The following SMG6 variants were observed in gnomAD, a reference collection of about 807,000 sequenced individuals.
SMG6 encodes the protein SMG6 nonsense mediated mRNA decay factor, also known as telomerase-binding protein EST1A.
In SMG6, 66 loss-of-function variants were observed where a neutral mutation model predicts 142.2. That is an observed-to-expected ratio of 0.46 (90% CI 0.38 to 0.57). The LOEUF (loss-of-function observed/expected upper bound fraction) is 0.57, where lower values mean the gene tolerates loss of function less well. Among genes scored for constraint, SMG6 ranks in the 20% least tolerant of loss-of-function variants. SMG6 has a pLI of 0.00. For missense variants in SMG6, 1,793 were observed against 1,832.0 expected (o/e 0.98, Z 0.39); for synonymous variants, 779 against 702.4 (o/e 1.11, Z -1.72).
intron 10 of SMG6, among the ~76,000 whole-genome samples, chr17:2,221,907 T>C (rs960090522): frequency 2.0e-5 from 3 of 152,216 alleles, no homozygotes; most frequent in African/African-American, 7.2e-5. Flanking sequence ...CTAATTTTTG[T>C]ATTTTTTAGT....
intron 13 of SMG6, among the ~76,000 whole-genome samples, chr17:2,143,201 A>G (rs771280924): frequency 2.0e-5 from 3 of 152,246 alleles, no homozygotes; most frequent in Non-Finnish European, 2.9e-5. Flanking sequence ...AGTTTACCAT[A>G]TGACCAAACA....
chr17:2,179,157 ACCC>A (rs2071733397), intron 12 of SMG6, among the ~76,000 whole-genome samples: 2 of 152,006 alleles, frequency 1.3e-5, no homozygotes, highest in African/African-American at 4.8e-5. Flanking sequence ...TAACGCCCCA[ACCC>A]GGAGCCAGGG....
intron 13 of SMG6, among the ~76,000 whole-genome samples, chr17:2,123,815 G>C (rs1280435666): frequency 6.6e-6 from 1 of 152,154 alleles, no homozygotes; most frequent in East Asian, 1.9e-4. Context: ...GTTTTTGTTG[G>C]GGGAAGGTGA....
Position 2,139,868 on chromosome 17 carries a change from G to T in SMG6, c.3357+32790C>A, listed in dbSNP as rs553849588. Among the ~76,000 whole-genome samples, 11 of 152,172 alleles carry T rather than the reference G, an allele frequency of 7.2e-5. No homozygotes were observed. In the South Asian group the frequency reaches 2.1e-3, roughly 29 times the overall value. ...AGCCTCCCAAGTAGCTGGGATTACA[G>T]GCGCATGCCACCATACCCGGCTAAT... On this transcript the variant is annotated intron_variant, in intron 13 of 18. Transcript: ENST00000263073.
intron 13 of SMG6, among the ~76,000 whole-genome samples, chr17:2,115,041 A>G (rs1163811505): frequency 6.6e-6 from 1 of 151,926 alleles, no homozygotes; most frequent in East Asian, 1.9e-4. Flanking sequence ...GGATCCTACC[A>G]GGGTTGATGG....
intron 10 of SMG6, chr17:2,233,004 A>G (rs1463437064): frequency 6.6e-6 from 1 of 152,280 alleles, no homozygotes; most frequent in Non-Finnish European, 1.5e-5. Context: ...CGTTAGCAAC[A>G]ATATGATTTC....
At chr17:2,205,815 T>A (rs11078865) in intron 10 of SMG6, among the ~76,000 whole-genome samples, 54,648 of 151,420 alleles carry the variant, frequency 0.36, 10,032 homozygotes, top group Middle Eastern at 0.42. Context: ...GTATATATAT[T>A]TTTTTTCTTC....
chr17:2,287,430 C>T (rs550293836), intron 6 of SMG6, among the ~76,000 whole-genome samples: 1 of 152,232 alleles, frequency 6.6e-6, no homozygotes, highest in African/African-American at 2.4e-5. Context: ...AAATCAGAAG[C>T]CTTGCATGCT....
intron 12 of SMG6, among the ~76,000 whole-genome samples, chr17:2,178,261 T>G (rs912883656): frequency 1.3e-5 from 2 of 152,120 alleles, no homozygotes; most frequent in African/African-American, 4.8e-5. Flanking sequence ...CAACAATGTG[T>G]CATCCAGATG....
At chr17:2,168,237 A>G (rs1000829290) in intron 13 of SMG6, among the ~76,000 whole-genome samples, 1 of 151,960 alleles carries the variant, frequency 6.6e-6, no homozygotes, top group African/African-American at 2.4e-5. Flanking sequence ...TCTGTCACCC[A>G]GGCTGGAGTA....
chr17:2,295,746 C>T (rs989590865), intron 4 of SMG6, among the ~76,000 whole-genome samples: 1 of 152,146 alleles, frequency 6.6e-6, no homozygotes, highest in Non-Finnish European at 1.5e-5. Context: ...TCCTGACCTC[C>T]AGAGAGACCA....
chr17:2,073,873 G>A (rs1194085743), intron 15 of SMG6, among the ~76,000 whole-genome samples: 6 of 151,896 alleles, frequency 4.0e-5, no homozygotes, highest in Non-Finnish European at 8.8e-5. Flanking sequence ...GAGGTCAGGA[G>A]TTTGAGACCA....
intron 8 of SMG6, among the ~76,000 whole-genome samples, chr17:2,273,782 G>A (rs1299945318): frequency 6.6e-6 from 1 of 151,966 alleles, no homozygotes; most frequent in Non-Finnish European, 1.5e-5. Flanking sequence ...GGGCAACAGA[G>A]TGAGACTGTG....
intron 10 of SMG6, among the ~76,000 whole-genome samples, chr17:2,209,871 C>A (rs116247053): frequency 0.017 from 2,555 of 152,182 alleles, 93 homozygotes; most frequent in African/African-American, 0.059. Context: ...TTTACTGAAC[C>A]CTTACTATAT....
At position 2,105,685 on chromosome 17, in the gene SMG6, A is replaced by C. The variant is rs141119007; in HGVS notation, c.3358-19784T>G. Among the ~76,000 whole-genome samples, 97 of 152,360 alleles carry C rather than the reference A, an allele frequency of 6.4e-4. 2 individuals are homozygous for C. The East Asian group carries it at 0.017, about 27-fold the overall frequency. On this transcript the variant is annotated intron_variant, in intron 13 of 18. Coordinates refer to ENST00000263073, the MANE Select transcript of SMG6 (RefSeq NM_017575.5). ...ATGGGTGCTTGGCTAAGCTACAGGC[A>C]AGAAAAGAAATACTGAAATTTAAAA...
intron 8 of SMG6, among the ~76,000 whole-genome samples, chr17:2,263,736 G>T (rs1243462797): frequency 6.6e-6 from 1 of 152,098 alleles, no homozygotes; most frequent in Non-Finnish European, 1.5e-5. Context: ...TTCCAAGAGG[G>T]GAAGAACCTG....
chr17:2,086,018 G>A, intron 13 of SMG6, 117 bp from the exon 14 acceptor site: 1 of 1,045,358 alleles, frequency 9.6e-7, no homozygotes, highest in Non-Finnish European at 1.5e-6. Flanking sequence ...CCAGGCAAGG[G>A]GGTCAGAATG....
At chr17:2,206,523 G>A (rs1005177046) in intron 10 of SMG6, among the ~76,000 whole-genome samples, 3 of 152,064 alleles carry the variant, frequency 2.0e-5, no homozygotes, top group Non-Finnish European at 4.4e-5. Flanking sequence ...AGGCTGCGGT[G>A]AGCTATAATC....
intron 18 of SMG6, among the ~76,000 whole-genome samples, chr17:2,063,852 G>A (rs1008012126): frequency 6.6e-6 from 1 of 152,134 alleles, no homozygotes; most frequent in Non-Finnish European, 1.5e-5. Flanking sequence ...CCTCGGGTGA[G>A]GGGATACTCA....
Sources: allele counts gnomAD v4.1 joint callset (sites outside exome capture counted in the v4.1 genomes callset), GRCh38; gene constraint gnomAD v4.1.1; transcripts MANE v1.5; gene names NCBI Gene and HGNC (gene_info 2026-07-23, HGNC 2026-07-21).